POF1B: variants seen among roughly 807,000 people sequenced by gnomAD.
POF1B encodes the protein protein POF1B.
In POF1B, 53 loss-of-function variants were observed where a neutral mutation model predicts 55.3. The observed-to-expected ratio is 0.96, with a 90% CI of 0.77 to 1.20. The LOEUF (loss-of-function observed/expected upper bound fraction) is 1.20, where lower values mean the gene tolerates loss of function less well. Ranked by LOEUF, POF1B falls within the 50% of genes most tolerant of loss-of-function variation. POF1B has a pLI of 0.00. For missense variants in POF1B, 478 were observed against 420.5 expected (o/e 1.14, Z -1.20); for synonymous variants, 188 against 148.3 (o/e 1.27, Z -1.95).
intron 5 of POF1B, among the ~76,000 whole-genome samples, chrX:85,350,303 G>A (rs370910888): frequency 9.2e-6 from 1 of 109,275 alleles, no homozygotes; most frequent in Admixed American, 9.8e-5. Context: ...TTGTTCTTGC[G>A]ATAGTTTACT....
At chrX:85,294,169 G>A (rs886703757) in intron 15 of POF1B, among the ~76,000 whole-genome samples, 1 of 111,624 alleles carries the variant, frequency 9.0e-6, no homozygotes, top group Admixed American at 9.5e-5. Context: ...TCAGCAAGGA[G>A]AGAGAGTTTG....
At position 85,277,842 on chromosome X, in the gene POF1B, A is replaced by G. The variant is rs1262271862; in HGVS notation, c.*1579T>C. 9.0e-6 allele frequency: 1 copy of G among 111,009 alleles called. No homozygotes were observed. Among genetic ancestry groups the G allele is most frequent in the Non-Finnish European group, 1.9e-5 (1 of 52,547 alleles). 9.1% of individuals were successfully genotyped at this position (111,009 alleles called of 1,213,427 possible). ...AATAATAACAATTTCCTACTAAGCTAATAAAACTTCCCCTTATATTATTTG... is the reference window on the plus strand; with the variant it reads ...AATAATAACAATTTCCTACTAAGCTGATAAAACTTCCCCTTATATTATTTG... On this transcript the variant is annotated 3_prime_UTR_variant, in exon 17 of 17. Transcript: ENST00000262753.
chrX:85,299,308 A>G (rs1603028843), intron 15 of POF1B, among the ~76,000 whole-genome samples: 3 of 76,083 alleles, frequency 3.9e-5, no homozygotes, highest in Non-Finnish European at 7.2e-5. Context: ...TTTTTTTTTG[A>G]GACGGAGTCT....
chrX:85,303,321 G>T, intron 15 of POF1B, 85 bp downstream of exon 15: 1 of 610,762 alleles, frequency 1.6e-6, no homozygotes, highest in Non-Finnish European at 2.5e-6. Context: ...ACTCTGTCTA[G>T]CTTGTATATA....
chrX:85,371,790 AATTT>A (rs1933826328), intron 2 of POF1B, among the ~76,000 whole-genome samples: 1 of 111,318 alleles, frequency 9.0e-6, no homozygotes, highest in Non-Finnish European at 1.9e-5. Flanking sequence ...TTGATTAGAT[AATTT>A]AAGTTTCCAT....
chrX:85,314,789 A>C (rs1227096187), intron 8 of POF1B, among the ~76,000 whole-genome samples: 1 of 112,172 alleles, frequency 8.9e-6, no homozygotes, highest in East Asian at 2.8e-4. Flanking sequence ...AAAAAGACGA[A>C]ATTAAAAGCA....
At chrX:85,359,401 C>T in intron 4 of POF1B, 149 bp downstream of exon 4, 1 of 453,300 alleles carries the variant, frequency 2.2e-6, no homozygotes, top group South Asian at 3.2e-5. Context: ...TTAAAGATGG[C>T]ATTTATTGAT....
At chrX:85,323,929 C>T (rs1035462495) in intron 7 of POF1B, among the ~76,000 whole-genome samples, 2 of 111,696 alleles carry the variant, frequency 1.8e-5, no homozygotes, top group African/African-American at 6.5e-5. Context: ...TGTTGTCATT[C>T]GTTTCAAAGA....
chrX:85,315,448 A>G (rs769575740), intron 8 of POF1B, among the ~76,000 whole-genome samples: 1 of 111,413 alleles, frequency 9.0e-6, no homozygotes, highest in Admixed American at 9.6e-5. Flanking sequence ...AGAACATTTC[A>G]AATAAACATT....
In POF1B at chrX:85,277,978, A is replaced by G. The variant is rs1000352616; in HGVS notation, c.*1443T>C. On this transcript the variant is annotated 3_prime_UTR_variant, in exon 17 of 17. Transcript: ENST00000262753. The stretch of plus-strand genomic sequence containing the variant: ...CCAAGGGAAAAAATGTAAGGACTGT[A>G]TAGCTCATGAATAATATTAACATTT... The G allele has an allele frequency of 9.0e-6, 1 of 111,099 alleles. No homozygotes were observed. The highest frequency in any genetic ancestry group is 1.9e-5 in the Non-Finnish European group (1 of 52,609). 9.2% of individuals were successfully genotyped at this position (111,099 alleles called of 1,213,427 possible).
At chrX:85,285,354 A>T (rs1316361858) in intron 15 of POF1B, among the ~76,000 whole-genome samples, 2 of 111,193 alleles carry the variant, frequency 1.8e-5, no homozygotes, top group Admixed American at 1.9e-4. Context: ...ATGCACACGT[A>T]TGTTTATTGT....
chrX:85,285,064 C>G (rs770363730), intron 15 of POF1B, among the ~76,000 whole-genome samples: 1 of 111,941 alleles, frequency 8.9e-6, no homozygotes, highest in Non-Finnish European at 1.9e-5. Context: ...AAAATGCTCA[C>G]CATCACTGGC....
At chrX:85,290,894 C>T (rs1603023951) in intron 15 of POF1B, among the ~76,000 whole-genome samples, 1 of 111,825 alleles carries the variant, frequency 8.9e-6, no homozygotes, top group Middle Eastern at 4.6e-3. Context: ...TGTCTGTTTA[C>T]TCCCTTGATA....
intron 1 of POF1B, 62 bp from the exon 2 acceptor site, chrX:85,379,557 G>T: frequency 1.1e-6 from 1 of 895,879 alleles, no homozygotes; most frequent in Non-Finnish European, 1.5e-6. Flanking sequence ...AGTCAGGCAG[G>T]CAGACAGACA....
intron 15 of POF1B, among the ~76,000 whole-genome samples, chrX:85,287,881 G>A (rs1465747365): frequency 9.0e-6 from 1 of 110,700 alleles, no homozygotes; most frequent in Admixed American, 9.7e-5. Context: ...ATATAAAAAG[G>A]ATACTACATT....
chrX:85,300,764 A>G (rs1487669835), intron 15 of POF1B, among the ~76,000 whole-genome samples: 1 of 112,186 alleles, frequency 8.9e-6, no homozygotes, highest in Non-Finnish European at 1.9e-5. Context: ...TATTTTAAGT[A>G]TGCTCAAAGA....
At chrX:85,314,338 TA>T (rs972904960) in intron 9 of POF1B, 93 bp downstream of exon 9, 13 of 662,043 alleles carry the variant, frequency 2.0e-5, no homozygotes, top group Non-Finnish European at 2.8e-5. Context: ...AATAAGATTT[TA>T]ATTTGGGACT....
chrX:85,334,206 C>T (rs1242849343), intron 6 of POF1B, among the ~76,000 whole-genome samples: 1 of 110,247 alleles, frequency 9.1e-6, no homozygotes, highest in Non-Finnish European at 1.9e-5. Context: ...AGAAGTCGTC[C>T]CAAGGATACA....
At chrX:85,362,674 G>A (rs1268401905) in intron 3 of POF1B, among the ~76,000 whole-genome samples, 1 of 111,519 alleles carries the variant, frequency 9.0e-6, no homozygotes, top group Non-Finnish European at 1.9e-5. Context: ...TTGCATCAAT[G>A]CTCATCAAGG....
Sources: gnomAD v4.1 joint callset for allele counts (sites outside exome capture counted in the v4.1 genomes callset) on GRCh38, gnomAD v4.1.1 for gene constraint, MANE v1.5 for transcripts, NCBI Gene and HGNC (gene_info 2026-07-23, HGNC 2026-07-21) for gene names.